The following ZDHHC14 variants were observed in gnomAD, a reference collection of about 807,000 sequenced individuals.
ZDHHC14 encodes the protein palmitoyltransferase ZDHHC14.
In ZDHHC14, 16 loss-of-function variants were observed where a neutral mutation model predicts 47.7. That is an observed-to-expected ratio of 0.34 (90% confidence interval 0.23 to 0.51). The LOEUF is 0.51. Among genes scored for constraint, ZDHHC14 ranks in the 20% least tolerant of loss-of-function variants. ZDHHC14 has a pLI of 0.97. For missense variants in ZDHHC14, 515 were observed against 662.5 expected (o/e 0.78, Z 2.44); for synonymous variants, 293 against 278.9 (o/e 1.05, Z -0.50).
chr6:157,480,519 A>T (rs1779601591), intron 1 of ZDHHC14, among the ~76,000 whole-genome samples: 1 of 152,090 alleles, frequency 6.6e-6, no homozygotes. Flanking sequence ...CACCCACCTC[A>T]GCCTTCCTAA....
At chr6:157,435,277 G>C (rs2114785451) in intron 1 of ZDHHC14, among the ~76,000 whole-genome samples, 1 of 152,338 alleles carries the variant, frequency 6.6e-6, no homozygotes, top group East Asian at 1.9e-4. Context: ...CCAGGCAGAT[G>C]AGGTAAGTAT....
Position 157,381,819 on chromosome 6 carries a change from G to A in ZDHHC14, c.-203G>A, listed in dbSNP as rs1268297239. ...CAGCGCCGTCCCCTCACGGAGCGGG[G>A]ATTCTGCTATGACAGTTGGGCTCCC... is the stretch of plus-strand genomic sequence containing the variant. On this transcript the variant is annotated 5_prime_UTR_variant, in exon 1 of 9. Coordinates refer to ENST00000359775, the MANE Select transcript of ZDHHC14 (RefSeq NM_024630.3). 11 of 200,596 alleles carry A rather than the reference G, an allele frequency of 5.5e-5. No homozygotes were observed. Among genetic ancestry groups the A allele is most frequent in the Non-Finnish European group, 5.2e-5 (6 of 115,532 alleles). The allele number at this position is 200,596 out of a possible 1,614,324, so 12.4% of individuals were successfully genotyped here. A position where few individuals can be genotyped will look rare whatever the true frequency, so the allele number is the denominator to read the frequency against.
chr6:157,673,251 T>A lies in ZDHHC14; in HGVS notation c.*129T>A, dbSNP rs1583110579. On this transcript the variant is annotated 3_prime_UTR_variant, in exon 9 of 9. Coordinates refer to ENST00000359775, the MANE Select transcript of ZDHHC14 (RefSeq NM_024630.3). This position sits in a 1 kb window ranked among gnomAD's most constrained non-coding sequence, Gnocchi z 5.4. The stretch of plus-strand genomic sequence containing the variant: ...GGAGATGACAGCCCCAGGTCTGGGG[T>A]ACAGAGACCACTTAGGATGGCACAG... 1.2e-5 allele frequency: 15 copies of A among 1,287,230 alleles called. No individual in the cohort carries two copies. The highest frequency in any genetic ancestry group is 1.5e-5 in the Non-Finnish European group (15 of 976,320). 79.7% of individuals were successfully genotyped at this position (1,287,230 alleles called of 1,614,324 possible).
chr6:157,417,153 T>C (rs1482161958), intron 1 of ZDHHC14, among the ~76,000 whole-genome samples: 1 of 151,926 alleles, frequency 6.6e-6, no homozygotes, highest in East Asian at 1.9e-4. Flanking sequence ...TATGGCATCC[T>C]TCCAGAATTG....
intron 1 of ZDHHC14, among the ~76,000 whole-genome samples, chr6:157,499,049 A>C (rs1311303515): frequency 6.6e-6 from 1 of 151,992 alleles, no homozygotes; most frequent in African/African-American, 2.4e-5. Flanking sequence ...CTGAAACTTG[A>C]AGAGAAAAAA....
At chr6:157,504,958 G>A (rs1780290303) in intron 1 of ZDHHC14, among the ~76,000 whole-genome samples, 2 of 151,218 alleles carry the variant, frequency 1.3e-5, no homozygotes, top group Non-Finnish European at 2.9e-5. Flanking sequence ...TTACAGGTGA[G>A]CGCCACCACA....
intron 2 of ZDHHC14, among the ~76,000 whole-genome samples, chr6:157,579,189 T>TG (rs1783418825): frequency 1.7e-5 from 2 of 120,522 alleles, no homozygotes; most frequent in African/African-American, 7.0e-5. Flanking sequence ...ATTGATTCTG[T>TG]GTTTTTTTTT....
intron 8 of ZDHHC14, among the ~76,000 whole-genome samples, chr6:157,670,005 C>T (rs1019841900): frequency 9.2e-5 from 14 of 152,268 alleles, no homozygotes; most frequent in African/African-American, 3.1e-4. Context: ...ATCAATGAGG[C>T]TGCTCTGCCT....
chr6:157,641,947 A>T (rs968925981), intron 5 of ZDHHC14, among the ~76,000 whole-genome samples: 1 of 152,150 alleles, frequency 6.6e-6, no homozygotes, highest in African/African-American at 2.4e-5. Context: ...GCAAGTCTCA[A>T]ACTTTTTGGT....
intron 3 of ZDHHC14, among the ~76,000 whole-genome samples, chr6:157,616,153 T>C (rs1357459102): frequency 6.6e-6 from 1 of 151,204 alleles, no homozygotes; most frequent in Non-Finnish European, 1.5e-5. Flanking sequence ...ATAAGGGGGG[T>C]GTCCAGGAAG....
At chr6:157,563,294 G>A (rs979193060) in intron 2 of ZDHHC14, among the ~76,000 whole-genome samples, 5 of 152,234 alleles carry the variant, frequency 3.3e-5, no homozygotes, top group African/African-American at 9.6e-5. Flanking sequence ...GCCCGAGCTT[G>A]GCCTGCCTGG....
At position 157,463,467 on chromosome 6, in the gene ZDHHC14, A is replaced by G. The variant is rs150876093; in HGVS notation, c.246-79118A>G. Among the ~76,000 whole-genome samples the G allele has an allele frequency of 5.3e-5, 8 of 152,240 alleles. No individual in the cohort carries two copies. In the East Asian group the frequency reaches 5.8e-4, roughly 11 times the overall value. On this transcript the variant is annotated intron_variant, in intron 1 of 8. Transcript: ENST00000359775. The surrounding 1 kb of genome is among the most constrained non-coding windows in gnomAD (Gnocchi z 4.4). ...TGTAGCCCTGCCCCTATACATTTGT[A>G]TATCCATAGCAGTGCTGTGCTCTCT...
intron 1 of ZDHHC14, among the ~76,000 whole-genome samples, chr6:157,402,669 A>G (rs1425256011): frequency 6.6e-6 from 1 of 152,188 alleles, no homozygotes; most frequent in Admixed American, 6.5e-5. Context: ...AGTGATGGGC[A>G]GGCCACTACT....
At chr6:157,660,409 T>G (rs1778300525) in intron 8 of ZDHHC14, among the ~76,000 whole-genome samples, 1 of 152,132 alleles carries the variant, frequency 6.6e-6, no homozygotes, top group Non-Finnish European at 1.5e-5. Flanking sequence ...GCCAGGCTGG[T>G]CTCAAACTCC....
At chr6:157,542,456 TG>T (rs1420188816) in intron 1 of ZDHHC14, 128 bp from the exon 2 acceptor site, 1 of 1,303,246 alleles carries the variant, frequency 7.7e-7, no homozygotes, top group African/African-American at 1.5e-5. Context: ...GAATTTTTAA[TG>T]GAAATCAATT....
rs1554262765 is a variant in ZDHHC14 at position 157,517,216 on chromosome 6, A to AG, written c.246-25365dup. The stretch of plus-strand genomic sequence containing the variant: ...TGAGGACCAACAGTTCTCCTAAAGC[A>AG]GGGGACTATTTTCCTAGTGGGAGTG... On this transcript the variant is annotated intron_variant, in intron 1 of 8. Transcript: ENST00000359775. 2.0e-5 allele frequency among the ~76,000 whole-genome samples: 3 copies of AG among 152,222 alleles called. No individual in the cohort carries two copies. In the South Asian group the frequency reaches 6.2e-4, roughly 32 times the overall value.
intron 1 of ZDHHC14, among the ~76,000 whole-genome samples, chr6:157,431,033 G>A (rs1778329582): frequency 6.6e-6 from 1 of 152,178 alleles, no homozygotes; most frequent in Admixed American, 6.5e-5. Context: ...TCTGTAAATA[G>A]CAGCTGTCTT....
chr6:157,430,311 T>TAAAA (rs67359917), intron 1 of ZDHHC14, among the ~76,000 whole-genome samples: 2 of 96,360 alleles, frequency 2.1e-5, no homozygotes, highest in African/African-American at 3.7e-5. Context: ...CAAGACTGTG[T>TAAAA]AAAAAAAAAA....
At position 157,409,841 on chromosome 6, in the gene ZDHHC14, G is replaced by C. The variant is rs187983245; in HGVS notation, c.245+27575G>C. Among the ~76,000 whole-genome samples, 4 of 150,100 alleles carry C rather than the reference G, an allele frequency of 2.7e-5. No homozygotes were observed. The East Asian group carries it at 5.8e-4, about 22-fold the overall frequency. ...TTTTATTTTATTATTTTATTTTTTG[G>C]GGGGGGGGACAGAGTCTTCTTCTGT... is the stretch of plus-strand genomic sequence containing the variant. On this transcript the variant is annotated intron_variant, in intron 1 of 8. Coordinates refer to ENST00000359775, the MANE Select transcript of ZDHHC14 (RefSeq NM_024630.3).
Sources: gnomAD v4.1 joint callset for allele counts (sites outside exome capture counted in the v4.1 genomes callset) on GRCh38, gnomAD v4.1.1 for gene constraint, Gnocchi (gnomAD v3.1) non-coding constraint, MANE v1.5 for transcripts, NCBI Gene and HGNC (gene_info 2026-07-23, HGNC 2026-07-21) for gene names.